The following TASP1 variants were observed in gnomAD, a reference collection of about 807,000 sequenced individuals.
TASP1 encodes threonine aspartase 1.
Under a neutral mutation model 56.6 loss-of-function variants are expected in TASP1, and 16 were observed. That is an observed-to-expected ratio of 0.28 (90% CI 0.19 to 0.43). The LOEUF is 0.43. Among genes scored for constraint, TASP1 ranks in the 20% least tolerant of loss-of-function variants. The probability of loss-of-function intolerance (pLI) is 1.00; values close to 1 mark genes in which losing one functional copy is unlikely to be tolerated. For synonymous variants in TASP1, 179 were observed against 184.2 expected (o/e 0.97, Z 0.23); for missense variants, 393 against 511.6 (o/e 0.77, Z 2.24).
chr20:13,203,626 G>T, the TASP1 span, among the ~76,000 whole-genome samples: 1 of 152,112 alleles, frequency 6.6e-6, no homozygotes, highest in South Asian at 2.1e-4. Context: ...TAATTAGTTT[G>T]GTTAACATGG....
At chr20:13,135,261 T>C in the TASP1 span, among the ~76,000 whole-genome samples, 1 of 152,194 alleles carries the variant, frequency 6.6e-6, no homozygotes, top group South Asian at 2.1e-4. Flanking sequence ...CTGCTAGGTG[T>C]TGATTTATCA....
At chr20:13,178,463 C>T in the TASP1 span, among the ~76,000 whole-genome samples, 13 of 152,022 alleles carry the variant, frequency 8.6e-5, no homozygotes, top group African/African-American at 3.1e-4. Flanking sequence ...ATGTTTATTT[C>T]AGCACTACTC....
the TASP1 span, chr20:13,299,385 A>G: frequency 6.2e-7 from 1 of 1,613,480 alleles, no homozygotes; most frequent in Non-Finnish European, 8.5e-7. The surrounding 1 kb of genome is among the most constrained non-coding windows in gnomAD (Gnocchi z 5.8). Context: ...GCCTCCCAAC[A>G]ACGGACAGAA....
At chr20:13,617,727 G>T (rs923257122) in intron 4 of TASP1, among the ~76,000 whole-genome samples, 1 of 152,128 alleles carries the variant, frequency 6.6e-6, no homozygotes, top group Non-Finnish European at 1.5e-5. Context: ...CTCCTTTTCT[G>T]CAATAAAAAC....
intron 8 of TASP1, among the ~76,000 whole-genome samples, chr20:13,535,897 C>A (rs2045398293): frequency 6.6e-6 from 1 of 152,068 alleles, no homozygotes; most frequent in African/African-American, 2.4e-5. Context: ...TCAGGTTGGA[C>A]AAAGCAAAGT....
At chr20:13,118,685 G>C in the TASP1 span, among the ~76,000 whole-genome samples, 3 of 152,114 alleles carry the variant, frequency 2.0e-5, no homozygotes, top group Non-Finnish European at 4.4e-5. Flanking sequence ...GCCACACCAG[G>C]CCCAAAACCA....
chr20:13,427,567 A>G (rs1404689830), intron 12 of TASP1, among the ~76,000 whole-genome samples: 1 of 152,214 alleles, frequency 6.6e-6, no homozygotes, highest in Non-Finnish European at 1.5e-5. Context: ...ATTTAGAGAC[A>G]TATAAAAGTG....
chr20:13,353,855 A>G, the TASP1 span, among the ~76,000 whole-genome samples: 1 of 152,206 alleles, frequency 6.6e-6, no homozygotes. Context: ...AGACCACCAG[A>G]CATTTGAGGA....
the TASP1 span, among the ~76,000 whole-genome samples, chr20:13,330,687 T>A: frequency 6.6e-6 from 1 of 152,216 alleles, no homozygotes; most frequent in African/African-American, 2.4e-5. Context: ...ATTCAATGTA[T>A]TTAATATTTA....
At chr20:13,194,054 G>A in the TASP1 span, among the ~76,000 whole-genome samples, 8 of 152,116 alleles carry the variant, frequency 5.3e-5, no homozygotes, top group African/African-American at 1.2e-4. Flanking sequence ...AGTGGCTACC[G>A]TTGTATATCC....
intron 4 of TASP1, among the ~76,000 whole-genome samples, chr20:13,619,239 T>G (rs2048629241): frequency 6.6e-6 from 1 of 152,118 alleles, no homozygotes; most frequent in Admixed American, 6.6e-5. Context: ...CCTACCAAAA[T>G]AATCAGTTTT....
intron 12 of TASP1, among the ~76,000 whole-genome samples, chr20:13,433,315 T>C (rs2042877907): frequency 3.9e-5 from 6 of 152,162 alleles, no homozygotes. Flanking sequence ...GTAAACCCCA[T>C]GTCCATCCTC....
At chr20:13,251,749 A>G in the TASP1 span, among the ~76,000 whole-genome samples, 2 of 152,224 alleles carry the variant, frequency 1.3e-5, no homozygotes, top group East Asian at 3.8e-4. Flanking sequence ...GAAGCCATTC[A>G]TAAGTTTGTA....
the TASP1 span, among the ~76,000 whole-genome samples, chr20:13,361,463 CTAAAGGTCT>C: frequency 6.6e-6 from 1 of 152,146 alleles, no homozygotes; most frequent in South Asian, 2.1e-4. Context: ...GTAGAATGGA[CTAAAGGTCT>C]TTTAAAAACA....
the TASP1 span, among the ~76,000 whole-genome samples, chr20:13,184,251 A>G: frequency 6.6e-6 from 1 of 152,204 alleles, no homozygotes; most frequent in East Asian, 1.9e-4. Context: ...AAAGAGAAGA[A>G]TACAAATAAG....
the TASP1 span, among the ~76,000 whole-genome samples, chr20:13,325,798 A>T: frequency 6.6e-6 from 1 of 152,178 alleles, no homozygotes; most frequent in African/African-American, 2.4e-5. Context: ...CTTAACAGAA[A>T]ATTTTTCAAG....
At chr20:13,260,874 C>A in the TASP1 span, among the ~76,000 whole-genome samples, 1 of 152,134 alleles carries the variant, frequency 6.6e-6, no homozygotes, top group African/African-American at 2.4e-5. Context: ...GCTCTCATAG[C>A]CTGGGGAGGC....
intron 10 of TASP1, among the ~76,000 whole-genome samples, chr20:13,524,131 C>G (rs1480338221): frequency 6.7e-6 from 1 of 150,162 alleles, no homozygotes; most frequent in Middle Eastern, 3.5e-3. Flanking sequence ...CCAGCCTAGG[C>G]GACAGAGTGA....
the TASP1 span, among the ~76,000 whole-genome samples, chr20:13,242,112 G>A: frequency 6.6e-6 from 1 of 152,172 alleles, no homozygotes; most frequent in Non-Finnish European, 1.5e-5. Flanking sequence ...TATGTAGAAG[G>A]TTTACTGACA....
Sources: allele counts gnomAD v4.1 joint callset (sites outside exome capture counted in the v4.1 genomes callset), GRCh38; gene constraint gnomAD v4.1.1; non-coding constraint Gnocchi (gnomAD v3.1); transcripts MANE v1.5; gene names NCBI Gene and HGNC (gene_info 2026-07-23, HGNC 2026-07-21).